KCNB2: variants seen among roughly 807,000 people sequenced by gnomAD.
The protein encoded by KCNB2 is potassium voltage-gated channel subfamily B member 2.
KCNB2 carries 15 observed loss-of-function variants against 61.5 expected under a neutral mutation model. The ratio of observed to expected loss-of-function variants is 0.24; its 90% CI spans 0.16 to 0.38. KCNB2 has a LOEUF of 0.38. Ranked by LOEUF, KCNB2 falls within the 10% of genes least tolerant of loss-of-function variation. The probability of loss-of-function intolerance (pLI) is 1.00; values close to 1 mark genes in which losing one functional copy is unlikely to be tolerated. For missense variants in KCNB2, 828 were observed against 1,125.2 expected (o/e 0.74, Z 3.78); for synonymous variants, 457 against 446.0 (o/e 1.02, Z -0.31).
chr8:72,929,722 G>T (rs1268621384), intron 2 of KCNB2, among the ~76,000 whole-genome samples: 2 of 152,096 alleles, frequency 1.3e-5, no homozygotes, highest in Admixed American at 6.6e-5. Context: ...TTTCCGAAGG[G>T]TTTAACCAAC....
intron 2 of KCNB2, among the ~76,000 whole-genome samples, chr8:72,576,306 G>T (rs1806793404): frequency 6.6e-6 from 1 of 152,176 alleles, no homozygotes; most frequent in Non-Finnish European, 1.5e-5. Flanking sequence ...AGGAGCTAGT[G>T]ACTTTGAGAG....
At chr8:72,775,621 C>T (rs1808636767) in intron 2 of KCNB2, among the ~76,000 whole-genome samples, 1 of 152,110 alleles carries the variant, frequency 6.6e-6, no homozygotes, top group South Asian at 2.1e-4. Context: ...CAACACCCCT[C>T]AGCCTTGGAG....
chr8:72,883,634 G>C (rs1472829105), intron 2 of KCNB2, among the ~76,000 whole-genome samples: 2 of 152,166 alleles, frequency 1.3e-5, no homozygotes, highest in African/African-American at 2.4e-5. Context: ...TATAAGGATA[G>C]CTGAAGCTCC....
At chr8:72,860,486 A>T (rs943224122) in intron 2 of KCNB2, among the ~76,000 whole-genome samples, 1 of 152,238 alleles carries the variant, frequency 6.6e-6, no homozygotes, top group Non-Finnish European at 1.5e-5. Context: ...GCCTGTTTAA[A>T]AGAAAGTTTC....
intron 2 of KCNB2, among the ~76,000 whole-genome samples, chr8:72,678,356 C>CA (rs1191377318): frequency 4.6e-5 from 7 of 152,132 alleles, no homozygotes; most frequent in Non-Finnish European, 8.8e-5. Context: ...TACTTCCATC[C>CA]AAAGTCTTTA....
rs1346517364 is a variant in KCNB2 at position 72,926,197 on chromosome 8, C to G, written c.580-9738C>G. 4.6e-5 allele frequency among the ~76,000 whole-genome samples: 7 copies of G among 152,022 alleles called. No homozygotes were observed. In the South Asian group the frequency reaches 1.5e-3, roughly 32 times the overall value. On this transcript the variant is annotated intron_variant, in intron 2 of 2. Transcript: ENST00000523207. The stretch of plus-strand genomic sequence containing the variant: ...GATCTGTGCAGCAAACCACGTTTAC[C>G]TATGTAACAAATCTGCACATCCTGC...
chr8:72,700,409 C>A (rs1024797009), intron 2 of KCNB2, among the ~76,000 whole-genome samples: 9 of 151,926 alleles, frequency 5.9e-5, no homozygotes, highest in Non-Finnish European at 1.2e-4. Flanking sequence ...AAGACATGAA[C>A]ACACACTTCT....
At chr8:72,675,067 A>G (rs561858480) in intron 2 of KCNB2, among the ~76,000 whole-genome samples, 7 of 152,324 alleles carry the variant, frequency 4.6e-5, no homozygotes, top group African/African-American at 1.7e-4. Context: ...CTTGCATACA[A>G]CTAAATGTAG....
chr8:72,629,341 G>A (rs1055947832), intron 2 of KCNB2, among the ~76,000 whole-genome samples: 3 of 152,150 alleles, frequency 2.0e-5, no homozygotes, highest in African/African-American at 4.8e-5. Context: ...AGGTAAGCTC[G>A]CCCCTTATGG....
At chr8:72,870,024 T>C (rs1427644977) in intron 2 of KCNB2, among the ~76,000 whole-genome samples, 1 of 152,154 alleles carries the variant, frequency 6.6e-6, no homozygotes, top group African/African-American at 2.4e-5. Context: ...AAAGGAAATC[T>C]TACCATATGC....
At chr8:72,705,834 C>T (rs1807214757) in intron 2 of KCNB2, among the ~76,000 whole-genome samples, 1 of 152,190 alleles carries the variant, frequency 6.6e-6, no homozygotes, top group African/African-American at 2.4e-5. Flanking sequence ...ACCCCAAGCA[C>T]CCTCAATGGG....
intron 2 of KCNB2, among the ~76,000 whole-genome samples, chr8:72,717,176 T>TGGAAGAACATTCCATGCTCATAGGTAGA (rs1318581322): frequency 2.0e-5 from 3 of 152,190 alleles, no homozygotes; most frequent in Non-Finnish European, 2.9e-5. Flanking sequence ...TACAAACAAA[T>TGGAAGAACATTCCATGCTCATAGGTAGA]GGAAGAACAT....
At chr8:72,907,853 T>A (rs1280264024) in intron 2 of KCNB2, among the ~76,000 whole-genome samples, 1 of 152,204 alleles carries the variant, frequency 6.6e-6, no homozygotes, top group Non-Finnish European at 1.5e-5. Flanking sequence ...AAGTGTTATA[T>A]AATAAGTTTT....
chr8:72,806,790 G>C (rs1194059195), intron 2 of KCNB2, among the ~76,000 whole-genome samples: 1 of 152,152 alleles, frequency 6.6e-6, no homozygotes. Context: ...CTTTAATGGA[G>C]CATATATTTT....
intron 2 of KCNB2, among the ~76,000 whole-genome samples, chr8:72,934,021 A>G (rs1280226529): frequency 6.6e-6 from 1 of 152,202 alleles, no homozygotes; most frequent in African/African-American, 2.4e-5. Context: ...TCTGAAATGC[A>G]TTATACTGTT....
intron 2 of KCNB2, among the ~76,000 whole-genome samples, chr8:72,777,554 A>G (rs1224237313): frequency 1.3e-5 from 2 of 152,200 alleles, no homozygotes; most frequent in African/African-American, 4.8e-5. Flanking sequence ...GGTGTGAGAA[A>G]AAGTATTGTC....
At chr8:72,850,436 G>C (rs1810081272) in intron 2 of KCNB2, among the ~76,000 whole-genome samples, 2 of 152,090 alleles carry the variant, frequency 1.3e-5, no homozygotes, top group Non-Finnish European at 2.9e-5. Flanking sequence ...GCCCAGGCTG[G>C]CCCTGAACTC....
chr8:72,727,714 A>G (rs1807676233), intron 2 of KCNB2, among the ~76,000 whole-genome samples: 1 of 152,234 alleles, frequency 6.6e-6, no homozygotes, highest in African/African-American at 2.4e-5. Flanking sequence ...CTGATGGCAC[A>G]CAAATTCATA....
At chr8:72,767,077 C>A (rs1439932680) in intron 2 of KCNB2, among the ~76,000 whole-genome samples, 1 of 152,084 alleles carries the variant, frequency 6.6e-6, no homozygotes, top group Non-Finnish European at 1.5e-5. Context: ...TGGGAAAAAC[C>A]AGCACCCATG....
Sources: gnomAD v4.1 joint callset for allele counts (sites outside exome capture counted in the v4.1 genomes callset) on GRCh38, gnomAD v4.1.1 for gene constraint, MANE v1.5 for transcripts, NCBI Gene and HGNC (gene_info 2026-07-23, HGNC 2026-07-21) for gene names.